Variants in CERS4 observed in about 807,000 individuals in gnomAD.
CERS4 encodes the protein LAG1 homolog, ceramide synthase 4.
In CERS4, 65 loss-of-function variants were observed where a neutral mutation model predicts 51.8. The observed-to-expected ratio is 1.26, with a 90% CI of 1.03 to 1.54. The LOEUF (loss-of-function observed/expected upper bound fraction) is 1.54. Among genes scored for constraint, CERS4 ranks in the 40% most tolerant of loss-of-function variants. The pLI is 0.00. For missense variants in CERS4, 563 were observed against 500.4 expected (o/e 1.13, Z -1.19); for synonymous variants, 228 against 208.4 (o/e 1.09, Z -0.81).
At chr19:8,242,981 GGTCT>G (rs56287945) in intron 2 of CERS4, among the ~76,000 whole-genome samples, 120,510 of 151,032 alleles carry the variant, frequency 0.8, 48,769 homozygotes, top group Middle Eastern at 0.87. Flanking sequence ...TGGAGCTGGG[GGTCT>G]GGATGCCTGG....
chr19:8,227,161 TG>T (rs1813625828), intron 2 of CERS4, among the ~76,000 whole-genome samples: 1 of 151,884 alleles, frequency 6.6e-6, no homozygotes, highest in Admixed American at 6.6e-5. Context: ...AGTAGTGAGG[TG>T]GGGGTAGAGG....
chr19:8,220,827 T>G (rs1244658024), intron 2 of CERS4, among the ~76,000 whole-genome samples: 1 of 149,910 alleles, frequency 6.7e-6, no homozygotes, highest in Admixed American at 6.7e-5. Flanking sequence ...GTTTTTTTTT[T>G]TGTTTTTTTT....
chr19:8,222,585 G>A (rs574456860), intron 2 of CERS4, among the ~76,000 whole-genome samples: 57 of 151,732 alleles, frequency 3.8e-4, no homozygotes, highest in African/African-American at 1.4e-3. Flanking sequence ...GGCAACCTCC[G>A]CCTCCTGGGT....
intron 6 of CERS4, 143 bp from the exon 7 acceptor site, chr19:8,256,093 G>C: frequency 9.9e-7 from 1 of 1,011,414 alleles, no homozygotes; most frequent in African/African-American, 1.6e-5. Flanking sequence ...GAGCCCCCCA[G>C]TCGAGAGTGA....
intron 2 of CERS4, among the ~76,000 whole-genome samples, chr19:8,242,356 C>G (rs1968573233): frequency 6.6e-6 from 1 of 152,184 alleles, no homozygotes; most frequent in African/African-American, 2.4e-5. Flanking sequence ...CAGTCTGAAG[C>G]CTCCTTGGAG....
intron 3 of CERS4, among the ~76,000 whole-genome samples, chr19:8,252,553 C>G (rs1380819951): frequency 6.6e-6 from 1 of 151,964 alleles, no homozygotes; most frequent in Non-Finnish European, 1.5e-5. Flanking sequence ...ACTCTCCTAT[C>G]TCAGCCTCAC....
In CERS4 at chr19:8,257,000, T is replaced by G. The variant is rs750863025; in HGVS notation, c.664T>G (p.Phe222Val). The G allele has an allele frequency of 6.2e-7, 1 of 1,613,938 alleles. No individual in the cohort carries two copies. Among genetic ancestry groups the G allele is most frequent in the Admixed American group, 1.7e-5 (1 of 59,974 alleles). ...CTTCGTGGCGGTCATCCTGATGACC[T>G]TCTCCTACAGTGCCAACCTGCTGCG... ...HHFVAVILMT[F>V]SYSANLLRIG... Residue 222 changes from phenylalanine (F) to valine (V), a missense_variant, in exon 9 of 12, where the codon TTC becomes GTC. By Grantham distance (50) the Phe-to-Val change is conservative. Coordinates refer to ENST00000251363, the MANE Select transcript of CERS4 (RefSeq NM_024552.3).
intron 10 of CERS4, 23 bp from the exon 11 acceptor site, chr19:8,261,662 GCCT>G (rs777892996): frequency 1.8e-5 from 29 of 1,613,164 alleles, no homozygotes; most frequent in Admixed American, 3.3e-5. Context: ...TCAAACCCCA[GCCT>G]CCTCCTCTCC....
At chr19:8,235,025 TCAGA>T (rs1968181745) in intron 2 of CERS4, among the ~76,000 whole-genome samples, 1 of 147,310 alleles carries the variant, frequency 6.8e-6, no homozygotes, top group South Asian at 2.1e-4. Context: ...TTTTTTTTTT[TCAGA>T]CAGAGTTTCA....
At chr19:8,259,133 C>T (rs777822549) in intron 10 of CERS4, among the ~76,000 whole-genome samples, 9 of 151,882 alleles carry the variant, frequency 5.9e-5, no homozygotes, top group Non-Finnish European at 8.8e-5. Context: ...GACTCTGTCT[C>T]TAAATAAAAA....
chr19:8,254,322 C>CCAAAAAAAAAA (rs1555779245), intron 3 of CERS4, among the ~76,000 whole-genome samples, 177 bp from the exon 4 acceptor site: 2 of 38,772 alleles, frequency 5.2e-5, no homozygotes, highest in Admixed American at 9.1e-4. Context: ...TACTCTGTCT[C>CCAAAAAAAAAA]AAAAAAAAAA....
At chr19:8,215,277 G>A (rs1189449603) in intron 2 of CERS4, among the ~76,000 whole-genome samples, 2 of 152,022 alleles carry the variant, frequency 1.3e-5, no homozygotes, top group African/African-American at 2.4e-5. Context: ...TCAAGAGTTC[G>A]AGACCAGCGT....
intron 6 of CERS4, 95 bp from the exon 7 acceptor site, chr19:8,256,137 CATCT>C: frequency 7.8e-7 from 1 of 1,275,392 alleles, no homozygotes. Flanking sequence ...GTGAAGGTAG[CATCT>C]ATGTGACTGT....
chr19:8,257,803 G>C, intron 9 of CERS4, 76 bp from the exon 10 acceptor site: 1 of 1,136,904 alleles, frequency 8.8e-7, no homozygotes. Flanking sequence ...AACTCACCTG[G>C]TCCCATCCTA....
intron 2 of CERS4, chr19:8,239,486 C>T (rs1968431744): frequency 6.6e-6 from 1 of 152,142 alleles, no homozygotes; most frequent in African/African-American, 2.4e-5. Context: ...GAAGGAGGAG[C>T]TTGCTTTTTG....
intron 2 of CERS4, among the ~76,000 whole-genome samples, chr19:8,226,113 C>A (rs1967777308): frequency 6.6e-6 from 1 of 151,962 alleles, no homozygotes; most frequent in Non-Finnish European, 1.5e-5. Context: ...GGGAGAATCG[C>A]TTGAATCCGG....
chr19:8,254,809 G>A (rs909943787), intron 4 of CERS4, among the ~76,000 whole-genome samples, 193 bp downstream of exon 4: 7 of 151,858 alleles, frequency 4.6e-5, no homozygotes, highest in African/African-American at 1.5e-4. Flanking sequence ...GGGAAACGAC[G>A]CCCCACCCCT....
chr19:8,250,736 T>C, intron 2 of CERS4: 1 of 889,342 alleles, frequency 1.1e-6, no homozygotes, highest in Non-Finnish European at 1.4e-6. Context: ...ATTACAGGCG[T>C]GAGCAACTGC....
intron 2 of CERS4, among the ~76,000 whole-genome samples, chr19:8,220,753 C>T (rs184766582): frequency 1.3e-4 from 20 of 152,184 alleles, no homozygotes; most frequent in African/African-American, 2.9e-4. Flanking sequence ...CGGTCCCTCC[C>T]GAAATCTCTG....
Sources: gnomAD v4.1 joint callset for allele counts (sites outside exome capture counted in the v4.1 genomes callset) on GRCh38, gnomAD v4.1.1 for gene constraint, MANE v1.5 for transcripts, NCBI Gene and HGNC (gene_info 2026-07-23, HGNC 2026-07-21) for gene names.